Variants in RAD51B observed in about 807,000 individuals in gnomAD.
RAD51B encodes RAD51 paralog B.
A neutral mutation model predicts 42.2 loss-of-function variants in RAD51B; 38 were observed. The observed-to-expected ratio is 0.90, with a 90% CI of 0.70 to 1.18. RAD51B has a LOEUF of 1.18. Ranked by LOEUF, RAD51B falls within the 50% of genes most tolerant of loss-of-function variation. The pLI, the probability that RAD51B is intolerant of heterozygous loss-of-function variation, is 0.00. For missense variants in RAD51B, 373 were observed against 400.7 expected (o/e 0.93, Z 0.59); for synonymous variants, 154 against 145.2 (o/e 1.06, Z -0.43).
chr14:68,274,408 A>G (rs1028068178), intron 7 of RAD51B, among the ~76,000 whole-genome samples: 1 of 152,192 alleles, frequency 6.6e-6, no homozygotes, highest in African/African-American at 2.4e-5. Context: ...TCCTATCTTT[A>G]AATCGATAAG....
intron 7 of RAD51B, among the ~76,000 whole-genome samples, chr14:68,109,231 G>GT (rs1199597951): frequency 2.0e-5 from 3 of 151,970 alleles, no homozygotes; most frequent in Non-Finnish European, 4.4e-5. Flanking sequence ...TGGCCAGAGC[G>GT]TAAGAGTCTT....
At chr14:68,676,643 A>C (rs1056779622) in intron 11 of RAD51B, among the ~76,000 whole-genome samples, 2 of 152,234 alleles carry the variant, frequency 1.3e-5, no homozygotes, top group African/African-American at 2.4e-5. Flanking sequence ...GAAGGTGTAC[A>C]TGTCTACACC....
chr14:68,383,764 G>A (rs534771228), intron 8 of RAD51B, among the ~76,000 whole-genome samples: 5 of 152,246 alleles, frequency 3.3e-5, no homozygotes, highest in Admixed American at 2.6e-4. Flanking sequence ...GCTGCCCTGC[G>A]TTATCAGAGT....
chr14:68,648,887 G>A (rs983056769), intron 10 of RAD51B, among the ~76,000 whole-genome samples: 14 of 151,730 alleles, frequency 9.2e-5, no homozygotes, highest in African/African-American at 3.4e-4. Flanking sequence ...CAGGTTATGG[G>A]AGAAACAGAT....
intron 10 of RAD51B, among the ~76,000 whole-genome samples, chr14:68,621,130 C>G (rs1167748044): frequency 6.6e-6 from 1 of 152,222 alleles, no homozygotes; most frequent in South Asian, 2.1e-4. Flanking sequence ...ATCATTCATT[C>G]AATCCTGGGA....
chr14:68,263,979 A>G (rs1364036206), intron 7 of RAD51B, among the ~76,000 whole-genome samples: 1 of 152,250 alleles, frequency 6.6e-6, no homozygotes, highest in Non-Finnish European at 1.5e-5. Context: ...ACTGCCTTAC[A>G]CTTTTCTCTT....
chr14:68,411,256 A>G (rs1232758013), intron 8 of RAD51B, among the ~76,000 whole-genome samples, 168 bp from the exon 9 acceptor site: 2 of 152,132 alleles, frequency 1.3e-5, no homozygotes, highest in Non-Finnish European at 2.9e-5. Flanking sequence ...TTTTAGTCTC[A>G]TATTCCTTAA....
chr14:68,195,800 T>A (rs146927586), intron 7 of RAD51B, among the ~76,000 whole-genome samples: 4,399 of 148,890 alleles, frequency 0.03, 203 homozygotes, highest in African/African-American at 0.099. Context: ...CCCAGCTACT[T>A]GGGAGGCTGA....
At chr14:68,285,216 CA>C (rs2081391003) in intron 7 of RAD51B, among the ~76,000 whole-genome samples, 3 of 152,316 alleles carry the variant, frequency 2.0e-5, no homozygotes, top group Admixed American at 2.0e-4. Flanking sequence ...TCCTTAAAAG[CA>C]AGGCATTCAG....
At chr14:68,672,351 T>A (rs1893176502) in intron 11 of RAD51B, among the ~76,000 whole-genome samples, 2 of 152,324 alleles carry the variant, frequency 1.3e-5, no homozygotes, top group South Asian at 4.1e-4. Flanking sequence ...AAAATGACAT[T>A]TGCCATTACA....
At chr14:68,513,831 T>G (rs1885930368) in intron 10 of RAD51B, among the ~76,000 whole-genome samples, 1 of 152,192 alleles carries the variant, frequency 6.6e-6, no homozygotes, top group South Asian at 2.1e-4. Context: ...AATTTTAAAA[T>G]TTTGTTCCTC....
At chr14:67,971,531 T>C (rs982703173) in intron 7 of RAD51B, among the ~76,000 whole-genome samples, 1 of 152,100 alleles carries the variant, frequency 6.6e-6, no homozygotes, top group African/African-American at 2.4e-5. Flanking sequence ...TACTTAGAAG[T>C]AAATTACTAT....
At chr14:68,533,510 C>T (rs1259755031) in intron 10 of RAD51B, among the ~76,000 whole-genome samples, 1 of 152,162 alleles carries the variant, frequency 6.6e-6, no homozygotes. Flanking sequence ...AGAAACAGAG[C>T]TACTTCTTCC....
At chr14:68,558,627 A>G (rs1014363007) in intron 10 of RAD51B, among the ~76,000 whole-genome samples, 1 of 151,932 alleles carries the variant, frequency 6.6e-6, no homozygotes, top group African/African-American at 2.4e-5. Context: ...TTCCCTATGC[A>G]TCTGTGTCTT....
At chr14:67,868,457 T>C (rs1248769276) in intron 5 of RAD51B, among the ~76,000 whole-genome samples, 1 of 152,228 alleles carries the variant, frequency 6.6e-6, no homozygotes, top group African/African-American at 2.4e-5. Context: ...TCTCACTGAT[T>C]GCTAGCACAG....
At chr14:67,922,979 C>G (rs1463410340) in intron 7 of RAD51B, among the ~76,000 whole-genome samples, 1 of 152,220 alleles carries the variant, frequency 6.6e-6, no homozygotes, top group Non-Finnish European at 1.5e-5. Context: ...GCATGGGCCA[C>G]TGCGCCCAGC....
At chr14:68,142,193 A>T (rs1339299832) in intron 7 of RAD51B, among the ~76,000 whole-genome samples, 1 of 152,050 alleles carries the variant, frequency 6.6e-6, no homozygotes, top group Non-Finnish European at 1.5e-5. Flanking sequence ...GGAAGAAAAA[A>T]TTTTTTAGAG....
At chr14:67,997,984 G>C (rs779700760) in intron 7 of RAD51B, among the ~76,000 whole-genome samples, 1 of 152,162 alleles carries the variant, frequency 6.6e-6, no homozygotes, top group Non-Finnish European at 1.5e-5. Flanking sequence ...GAAGTAGTTT[G>C]AGTGAATTGT....
In RAD51B at chr14:68,671,582, C is replaced by A. The variant is rs533503480; in HGVS notation, c.*11+20726C>A. On this transcript the variant is annotated intron_variant, in intron 11 of 11. Coordinates refer to the RAD51B transcript ENST00000488612. The stretch of plus-strand genomic sequence containing the variant: ...TCCCCCAACACCCCGCCTCCGACAA[C>A]CTCTGGGGAGCATGGAGTTAACATT... Among the ~76,000 whole-genome samples the A allele has an allele frequency of 4.6e-5, 7 of 152,130 alleles. No individual in the cohort carries two copies. In the South Asian group the frequency reaches 1.5e-3, roughly 32 times the overall value.
Sources: allele counts gnomAD v4.1 joint callset (sites outside exome capture counted in the v4.1 genomes callset), GRCh38; gene constraint gnomAD v4.1.1; transcripts MANE v1.5; gene names NCBI Gene and HGNC (gene_info 2026-07-23, HGNC 2026-07-21).